Variants in UBAP2 observed in about 807,000 individuals in gnomAD.
UBAP2 encodes the protein ubiquitin-associated protein 2.
UBAP2 carries 75 observed loss-of-function variants against 139.6 expected under a neutral mutation model. The observed-to-expected ratio is 0.54, with a 90% CI of 0.45 to 0.65. UBAP2 has a LOEUF of 0.65. Among genes scored for constraint, UBAP2 ranks in the 30% least tolerant of loss-of-function variants. The pLI is 0.00. For synonymous variants in UBAP2, 526 were observed against 526.2 expected, an observed-to-expected ratio of 1.00 and a Z score of 0.01; for missense variants, 1,368 against 1,369.6, an observed-to-expected ratio of 1.00 and a Z score of 0.02.
At chr9:33,926,283 G>C (rs1418703372) in intron 22 of UBAP2, among the ~76,000 whole-genome samples, 2 of 152,172 alleles carry the variant, frequency 1.3e-5, no homozygotes, top group Non-Finnish European at 2.9e-5. Context: ...TCCATGTCTT[G>C]TGTCATATGG....
chr9:34,032,916 C>CA (rs71506153), intron 1 of UBAP2, among the ~76,000 whole-genome samples: 44,504 of 117,900 alleles, frequency 0.38, 8,122 homozygotes, highest in East Asian at 0.62. Flanking sequence ...ACCCTGTCTT[C>CA]AAAAAAAAAA....
intron 18 of UBAP2, 26 bp from the exon 19 acceptor site, chr9:33,932,654 T>A (rs376158241): frequency 2.4e-5 from 39 of 1,612,736 alleles, no homozygotes; most frequent in Non-Finnish European, 3.2e-5. Context: ...GAGCGCCGTA[T>A]GTCCACCTGA....
intron 1 of UBAP2, among the ~76,000 whole-genome samples, chr9:34,043,589 C>CCTCAACTTCCTGGA (rs11275736): frequency 6.6e-6 from 1 of 151,824 alleles, no homozygotes; most frequent in African/African-American, 2.4e-5. Flanking sequence ...CTCACTGTGG[C>CCTCAACTTCCTGGA]CTCAAGCAAT....
At chr9:34,015,687 GAAGAA>G (rs1313753120) in intron 2 of UBAP2, among the ~76,000 whole-genome samples, 2 of 151,930 alleles carry the variant, frequency 1.3e-5, no homozygotes, top group Non-Finnish European at 2.9e-5. Context: ...CTTGTGCTTT[GAAGAA>G]AAGGCAGGTT....
At chr9:34,047,376 G>A (rs1447379699) in intron 1 of UBAP2, among the ~76,000 whole-genome samples, 4 of 152,182 alleles carry the variant, frequency 2.6e-5, no homozygotes, top group African/African-American at 7.2e-5. Flanking sequence ...ACAGGTGAGT[G>A]TATTGAAGGA....
chr9:33,973,160 A>C (rs750802070), intron 7 of UBAP2, 23 bp downstream of exon 7: 1 of 1,610,624 alleles, frequency 6.2e-7, no homozygotes, highest in Non-Finnish European at 8.5e-7. Context: ...AATAATTATA[A>C]AAATAGGATG....
intron 6 of UBAP2, among the ~76,000 whole-genome samples, chr9:33,981,873 G>A (rs1820799360): frequency 6.6e-6 from 1 of 150,752 alleles, no homozygotes; most frequent in African/African-American, 2.4e-5. Flanking sequence ...AGGAAGGAAG[G>A]AAGGAAGGGG....
At chr9:33,928,248 C>T (rs1034810093) in intron 19 of UBAP2, 1 of 409,492 alleles carries the variant, frequency 2.4e-6, no homozygotes, top group Non-Finnish European at 4.3e-6. Context: ...TTAATGACCA[C>T]AACTCTCTGT....
intron 2 of UBAP2, 89 bp from the exon 3 acceptor site, chr9:33,998,953 G>A: frequency 9.9e-7 from 1 of 1,013,950 alleles, no homozygotes; most frequent in Non-Finnish European, 1.5e-6. Context: ...AGGCTCTCAA[G>A]CACTAGAAAT....
intron 6 of UBAP2, among the ~76,000 whole-genome samples, chr9:33,980,442 CGT>C (rs1292343957): frequency 6.6e-6 from 1 of 150,634 alleles, no homozygotes; most frequent in East Asian, 2.0e-4. Flanking sequence ...AGGGTTTCAC[CGT>C]GTTAGCCAGG....
At chr9:33,963,670 T>C (rs779402002) in intron 9 of UBAP2, 56 bp downstream of exon 9, 3 of 1,081,392 alleles carry the variant, frequency 2.8e-6, no homozygotes, top group Non-Finnish European at 4.1e-6. Context: ...TGAAAGATAT[T>C]GCAAGCAATT....
chr9:33,980,220 CTTTTTTTTTTTTTTTT>C (rs1173781682), intron 6 of UBAP2, among the ~76,000 whole-genome samples: 9 of 49,086 alleles, frequency 1.8e-4, no homozygotes, highest in Admixed American at 1.4e-3. Flanking sequence ...AGTGTCATTT[CTTTTTTTTTTTTTTTT>C]TTTTTTTTTT....
chr9:34,024,437 A>G (rs73482915), intron 1 of UBAP2, among the ~76,000 whole-genome samples: 1,782 of 152,278 alleles, frequency 0.012, 35 homozygotes, highest in African/African-American at 0.04. Context: ...ATAAATTCAG[A>G]TTAACTTGTC....
At chr9:34,021,660 G>A (rs1824953772) in intron 1 of UBAP2, among the ~76,000 whole-genome samples, 1 of 144,526 alleles carries the variant, frequency 6.9e-6, no homozygotes, top group Admixed American at 7.1e-5. Context: ...TTGAGACGGA[G>A]GCTCGCTCCA....
At position 33,922,886 on chromosome 9, in the gene UBAP2, G is replaced by A; in HGVS notation, c.3073-8C>T. ...TCCCTGCTTGTCAAAAGTCTACAGGGCAAAGAAGACAATGGTGAAGGTCAG... is the reference window on the plus strand; with the variant it reads ...TCCCTGCTTGTCAAAAGTCTACAGGACAAAGAAGACAATGGTGAAGGTCAG... On this transcript the variant is annotated splice_region_variant and splice_polypyrimidine_tract_variant and intron_variant, in intron 27 of 28. Transcript: ENST00000379238. 6.2e-7 allele frequency: 1 copy of A among 1,608,854 alleles called. No homozygotes were observed. The highest frequency in any genetic ancestry group is 1.1e-5 in the South Asian group (1 of 90,490).
chr9:33,933,386 G>A (rs948142075), intron 18 of UBAP2, 104 bp downstream of exon 18: 14 of 1,321,584 alleles, frequency 1.1e-5, no homozygotes, highest in Admixed American at 4.6e-5. Context: ...AGGACATCAC[G>A]TCAGAGACAA....
intron 6 of UBAP2, among the ~76,000 whole-genome samples, chr9:33,975,793 C>T (rs1828288825): frequency 6.8e-6 from 1 of 146,858 alleles, no homozygotes; most frequent in Admixed American, 6.8e-5. Flanking sequence ...CTGAACAAGA[C>T]TCCGTCTCAA....
chr9:33,993,228 G>T lies in UBAP2; in HGVS notation c.288+2995C>A, dbSNP rs557852461. On this transcript the variant is annotated intron_variant, in intron 4 of 28. Transcript: ENST00000379238. ...GTAATAATTTTGTTTCAGCACAGAG[G>T]AAGGTTAGATAATAGGAAAAGAATC... Among the ~76,000 whole-genome samples the T allele has an allele frequency of 1.2e-3, 177 of 152,256 alleles. 5 individuals are homozygous for T. The South Asian group carries it at 0.036, about 31-fold the overall frequency.
intron 4 of UBAP2, 150 bp from the exon 5 acceptor site, chr9:33,989,276 A>G: frequency 3.4e-6 from 3 of 871,170 alleles, no homozygotes; most frequent in South Asian, 2.5e-5. Flanking sequence ...CTCTCAGCTC[A>G]CTGCAAGCTC....
Sources: allele counts gnomAD v4.1 joint callset (sites outside exome capture counted in the v4.1 genomes callset), GRCh38; gene constraint gnomAD v4.1.1; transcripts MANE v1.5; gene names NCBI Gene and HGNC (gene_info 2026-07-23, HGNC 2026-07-21).